Variants in DLG2 observed in about 807,000 individuals in gnomAD.
The protein encoded by DLG2 is discs large MAGUK scaffold protein 2.
Under a neutral mutation model 132.5 loss-of-function variants are expected in DLG2, and 45 were observed. The observed-to-expected ratio is 0.34, with a 90% CI of 0.27 to 0.44. DLG2 has a LOEUF of 0.44. DLG2 is among the 20% of genes least tolerant of loss of function. DLG2 has a pLI of 1.00. For missense variants in DLG2, 1,045 were observed against 1,196.9 expected (o/e 0.87, Z 1.87); for synonymous variants, 424 against 419.6 (o/e 1.01, Z -0.13).
intron 6 of DLG2, among the ~76,000 whole-genome samples, chr11:84,850,156 G>A (rs1021891843): frequency 3.3e-5 from 5 of 152,074 alleles, no homozygotes; most frequent in African/African-American, 1.2e-4. Flanking sequence ...CACTAATGCT[G>A]CTTGAAGATA....
At chr11:84,250,852 T>C (rs1598375671) in intron 8 of DLG2, among the ~76,000 whole-genome samples, 2 of 152,330 alleles carry the variant, frequency 1.3e-5, no homozygotes, top group South Asian at 4.1e-4. Context: ...ATAAAAATAT[T>C]TATTGATTAC....
At chr11:84,145,835 G>A (rs923407668) in intron 9 of DLG2, among the ~76,000 whole-genome samples, 3 of 152,094 alleles carry the variant, frequency 2.0e-5, no homozygotes, top group South Asian at 2.1e-4. Context: ...ATTTTGTGCC[G>A]ATTCATCTAA....
chr11:84,643,963 C>T (rs547096723), intron 6 of DLG2, among the ~76,000 whole-genome samples: 20 of 152,288 alleles, frequency 1.3e-4, no homozygotes, highest in African/African-American at 4.8e-4. Flanking sequence ...ATGTCATTCT[C>T]ATTTTACTGA....
At chr11:83,955,572 C>T (rs1424665019) in intron 14 of DLG2, among the ~76,000 whole-genome samples, 1 of 152,174 alleles carries the variant, frequency 6.6e-6, no homozygotes, top group Non-Finnish European at 1.5e-5. Flanking sequence ...CTGGATAATG[C>T]CTTTTTACCA....
At chr11:83,912,487 G>A (rs2076240991) in intron 15 of DLG2, among the ~76,000 whole-genome samples, 1 of 152,118 alleles carries the variant, frequency 6.6e-6, no homozygotes, top group Non-Finnish European at 1.5e-5. Context: ...CTGATTTCAA[G>A]AGGGTGACTG....
intron 6 of DLG2, among the ~76,000 whole-genome samples, chr11:84,874,740 G>C (rs1302818122): frequency 6.6e-6 from 1 of 152,112 alleles, no homozygotes; most frequent in African/African-American, 2.4e-5. Context: ...AAAGATTTAG[G>C]CCGAGCACTG....
At chr11:83,709,885 G>A (rs991419284) in intron 18 of DLG2, among the ~76,000 whole-genome samples, 1 of 152,192 alleles carries the variant, frequency 6.6e-6, no homozygotes, top group South Asian at 2.1e-4. Flanking sequence ...GGCAGATACA[G>A]CCTCTAAAAA....
intron 18 of DLG2, among the ~76,000 whole-genome samples, chr11:83,762,226 G>T (rs912449325): frequency 6.6e-6 from 1 of 152,126 alleles, no homozygotes; most frequent in Non-Finnish European, 1.5e-5. Flanking sequence ...CTTTATTCCC[G>T]CCAGTTTCTA....
At chr11:84,268,706 C>T (rs1183086825) in intron 7 of DLG2, among the ~76,000 whole-genome samples, 3 of 152,022 alleles carry the variant, frequency 2.0e-5, no homozygotes, top group Non-Finnish European at 4.4e-5. Context: ...CGTGATCCGC[C>T]CGCCTCAGCC....
intron 18 of DLG2, among the ~76,000 whole-genome samples, chr11:83,747,240 T>C (rs931614894): frequency 3.9e-5 from 6 of 152,124 alleles, no homozygotes; most frequent in African/African-American, 1.4e-4. Flanking sequence ...TACATTAAAT[T>C]AATATTGTAA....
chr11:83,845,970 C>T (rs1370319912), intron 16 of DLG2, among the ~76,000 whole-genome samples: 1 of 152,156 alleles, frequency 6.6e-6, no homozygotes, highest in Admixed American at 6.5e-5. Flanking sequence ...TCCTTTCCCT[C>T]TAGAAAGTTA....
chr11:83,819,555 T>C (rs907834674), intron 17 of DLG2, among the ~76,000 whole-genome samples: 3 of 146,950 alleles, frequency 2.0e-5, no homozygotes, highest in African/African-American at 7.6e-5. Context: ...CTTAATTCTA[T>C]CATAAATCTG....
chr11:84,681,396 G>C (rs1325276869), intron 6 of DLG2, among the ~76,000 whole-genome samples: 2 of 152,134 alleles, frequency 1.3e-5, no homozygotes, highest in African/African-American at 2.4e-5. Flanking sequence ...CTTGAAGAAG[G>C]CCACAAATCT....
At chr11:84,753,974 G>A (rs2066519146) in intron 6 of DLG2, among the ~76,000 whole-genome samples, 1 of 152,178 alleles carries the variant, frequency 6.6e-6, no homozygotes, top group African/African-American at 2.4e-5. Flanking sequence ...AATGCGTTTT[G>A]CAAAGTGGAG....
intron 18 of DLG2, among the ~76,000 whole-genome samples, chr11:83,727,618 C>G (rs1379518754): frequency 6.6e-6 from 1 of 152,168 alleles, no homozygotes; most frequent in Non-Finnish European, 1.5e-5. Flanking sequence ...TCCCTGCTTC[C>G]TATTCTGTTC....
At chr11:84,789,884 A>G (rs2073539560) in intron 6 of DLG2, among the ~76,000 whole-genome samples, 1 of 152,076 alleles carries the variant, frequency 6.6e-6, no homozygotes, top group Non-Finnish European at 1.5e-5. Flanking sequence ...ATGACCTCCA[A>G]TTCTATCCAT....
chr11:84,278,432 T>C (rs898148465), intron 7 of DLG2, among the ~76,000 whole-genome samples: 1 of 150,246 alleles, frequency 6.7e-6, no homozygotes, highest in Non-Finnish European at 1.5e-5. Context: ...CTACACAAAA[T>C]TTTTCAGAGA....
intron 3 of DLG2, among the ~76,000 whole-genome samples, chr11:85,468,105 T>C (rs919671715): frequency 6.6e-6 from 1 of 152,206 alleles, no homozygotes; most frequent in Non-Finnish European, 1.5e-5. Context: ...TGTAGAGGTG[T>C]TTATAGTATT....
chr11:84,595,515 A>G (rs1402838382), intron 6 of DLG2, among the ~76,000 whole-genome samples: 1 of 151,870 alleles, frequency 6.6e-6, no homozygotes, highest in Non-Finnish European at 1.5e-5. Flanking sequence ...TTTGTTGCAT[A>G]TTGAAATAAG....
Sources: gnomAD v4.1 joint callset for allele counts (sites outside exome capture counted in the v4.1 genomes callset) on GRCh38, gnomAD v4.1.1 for gene constraint, MANE v1.5 for transcripts, NCBI Gene and HGNC (gene_info 2026-07-23, HGNC 2026-07-21) for gene names.